PTPRE: variants seen among roughly 807,000 people sequenced by gnomAD.
The protein encoded by PTPRE is protein tyrosine phosphatase receptor type E, also known as receptor-type tyrosine-protein phosphatase epsilon.
Under a neutral mutation model 102.0 loss-of-function variants are expected in PTPRE, and 51 were observed. That is an observed-to-expected ratio of 0.50 (90% CI 0.40 to 0.63). The LOEUF (loss-of-function observed/expected upper bound fraction) is 0.63. Among genes scored for constraint, PTPRE ranks in the 30% least tolerant of loss-of-function variants. The probability of loss-of-function intolerance (pLI) is 0.00; values close to 1 mark genes in which losing one functional copy is unlikely to be tolerated. For missense variants in PTPRE, 752 were observed against 915.1 expected (o/e 0.82, Z 2.30); for synonymous variants, 345 against 348.2 (o/e 0.99, Z 0.10).
At chr10:128,026,029 G>A (rs1339165098) in intron 2 of PTPRE, among the ~76,000 whole-genome samples, 5 of 152,174 alleles carry the variant, frequency 3.3e-5, no homozygotes, top group Non-Finnish European at 7.4e-5. Flanking sequence ...CCAGCACCCC[G>A]AGAGTCTCCC....
intron 1 of PTPRE, among the ~76,000 whole-genome samples, chr10:127,918,333 C>A (rs1286827567): frequency 6.6e-6 from 1 of 151,932 alleles, no homozygotes; most frequent in Non-Finnish European, 1.5e-5. Context: ...CCGAGGTGGC[C>A]AGATCAGGAG....
chr10:128,013,553 T>C (rs1178459299), intron 2 of PTPRE, among the ~76,000 whole-genome samples: 2 of 151,490 alleles, frequency 1.3e-5, no homozygotes, highest in East Asian at 3.9e-4. Context: ...AATGTCTGTG[T>C]CCCCCCCCAG....
chr10:128,084,858 G>A lies in PTPRE; in HGVS notation c.*1952G>A, dbSNP rs114727480. The A allele has an allele frequency of 9.3e-4, 166 of 178,746 alleles. No homozygotes were observed. Among genetic ancestry groups the A allele is most frequent in the African/African-American group, 3.6e-3 (153 of 42,778 alleles). The allele number at this position is 178,746 out of a possible 1,614,324, so 11.1% of individuals were successfully genotyped here. A position where few individuals can be genotyped will look rare whatever the true frequency, so the allele number is the denominator to read the frequency against. Reference sequence around the variant, plus strand: ...TTCGAAGTCAAAGTCGAGGGGCACCGGCTTTGGTTCATGTCTAGGAGCCCT... The same window carrying A: ...TTCGAAGTCAAAGTCGAGGGGCACCAGCTTTGGTTCATGTCTAGGAGCCCT... On this transcript the variant is annotated 3_prime_UTR_variant, in exon 21 of 21. Coordinates refer to ENST00000254667, the MANE Select transcript of PTPRE (RefSeq NM_006504.6).
intron 1 of PTPRE, among the ~76,000 whole-genome samples, chr10:127,955,019 G>A (rs770469950): frequency 4.6e-5 from 7 of 151,792 alleles, no homozygotes; most frequent in East Asian, 1.9e-4. Context: ...AGGGAGTTAC[G>A]GTGTTGGCTG....
chr10:128,023,329 T>C (rs1846059999), intron 2 of PTPRE, among the ~76,000 whole-genome samples: 1 of 152,014 alleles, frequency 6.6e-6, no homozygotes, highest in Non-Finnish European at 1.5e-5. Context: ...TATATATACA[T>C]AGTATGTATA....
At chr10:127,929,927 T>A (rs1215275832) in intron 1 of PTPRE, among the ~76,000 whole-genome samples, 1 of 151,346 alleles carries the variant, frequency 6.6e-6, no homozygotes, top group Non-Finnish European at 1.5e-5. Flanking sequence ...TGTGATGGTG[T>A]ATGCCTGTAA....
At chr10:127,983,008 T>G (rs1052442005) in intron 2 of PTPRE, among the ~76,000 whole-genome samples, 1 of 152,206 alleles carries the variant, frequency 6.6e-6, no homozygotes, top group Non-Finnish European at 1.5e-5. Flanking sequence ...TGGGTGTGCT[T>G]GCTTTTAGCG....
chr10:128,010,545 C>CCTTTTCTTTTATTTT (rs1554919715), intron 2 of PTPRE, among the ~76,000 whole-genome samples: 2 of 128,278 alleles, frequency 1.6e-5, no homozygotes, highest in African/African-American at 6.0e-5. Flanking sequence ...AAACCCTGTT[C>CCTTTTCTTTTATTTT]CTTTTCTTTT....
At chr10:127,997,263 A>G (rs1157572575) in intron 2 of PTPRE, among the ~76,000 whole-genome samples, 1 of 152,156 alleles carries the variant, frequency 6.6e-6, no homozygotes, top group African/African-American at 2.4e-5. Flanking sequence ...CTGACCACTA[A>G]CTGGCCCTGA....
chr10:128,004,989 G>A (rs748880305), intron 2 of PTPRE, among the ~76,000 whole-genome samples: 33 of 152,292 alleles, frequency 2.2e-4, no homozygotes, highest in Admixed American at 1.0e-3. Context: ...TTAATGAATA[G>A]TGATGGTGGG....
At chr10:127,994,319 G>T (rs1853024988) in intron 2 of PTPRE, among the ~76,000 whole-genome samples, 1 of 152,166 alleles carries the variant, frequency 6.6e-6, no homozygotes, top group Non-Finnish European at 1.5e-5. Context: ...GGCCTTCCCT[G>T]CCCACTCTAT....
chr10:127,985,015 AC>A (rs1174350690), intron 2 of PTPRE, among the ~76,000 whole-genome samples: 1 of 152,204 alleles, frequency 6.6e-6, no homozygotes, highest in African/African-American at 2.4e-5. Context: ...ATGGAAGGGA[AC>A]TTATTGCTCA....
chr10:127,933,395 C>T (rs1296589867), intron 1 of PTPRE, among the ~76,000 whole-genome samples: 2 of 152,174 alleles, frequency 1.3e-5, no homozygotes, highest in Non-Finnish European at 2.9e-5. Flanking sequence ...GTGTTTAATC[C>T]TCGTGGACTA....
chr10:128,065,936 A>G (rs999747221), intron 10 of PTPRE, 139 bp from the exon 11 acceptor site: 1 of 1,260,432 alleles, frequency 7.9e-7, no homozygotes, highest in African/African-American at 1.5e-5. Flanking sequence ...AGAGGTCGAC[A>G]CACGTGAACT....
At chr10:128,046,958 G>A (rs377255931) in intron 3 of PTPRE, among the ~76,000 whole-genome samples, 2 of 152,162 alleles carry the variant, frequency 1.3e-5, no homozygotes, top group Admixed American at 6.5e-5. Context: ...GGGCCAGGCC[G>A]CCTCCCTGTG....
At chr10:128,047,096 G>A (rs1290233216) in intron 3 of PTPRE, among the ~76,000 whole-genome samples, 1 of 152,236 alleles carries the variant, frequency 6.6e-6, no homozygotes, top group Non-Finnish European at 1.5e-5. Flanking sequence ...TAGCAGGAGA[G>A]CCAGGCAGCC....
intron 2 of PTPRE, among the ~76,000 whole-genome samples, chr10:127,997,506 C>T (rs1476354813): frequency 6.6e-6 from 1 of 152,146 alleles, no homozygotes; most frequent in Non-Finnish European, 1.5e-5. Context: ...AGCCAGGGCA[C>T]TGAAGACTGA....
chr10:128,062,510 G>A (rs961749822), intron 9 of PTPRE, among the ~76,000 whole-genome samples: 2 of 152,172 alleles, frequency 1.3e-5, no homozygotes, highest in East Asian at 1.9e-4. Context: ...AGGGCCAGGG[G>A]CTTCCTTATC....
intron 17 of PTPRE, 80 bp from the exon 18 acceptor site, chr10:128,076,523 A>G: frequency 7.0e-7 from 1 of 1,421,146 alleles, no homozygotes; most frequent in Non-Finnish European, 9.4e-7. Context: ...TGGTTTGAGA[A>G]CAATTCTGTG....
Sources: gnomAD v4.1 joint callset for allele counts (sites outside exome capture counted in the v4.1 genomes callset) on GRCh38, gnomAD v4.1.1 for gene constraint, MANE v1.5 for transcripts, NCBI Gene and HGNC (gene_info 2026-07-23, HGNC 2026-07-21) for gene names.